Variants in RFC3 observed in about 807,000 individuals in gnomAD.
RFC3 encodes A1 38 kDa subunit.
In RFC3, 41 loss-of-function variants were observed where a neutral mutation model predicts 45.1. That is an observed-to-expected ratio of 0.91 (90% CI 0.71 to 1.18). RFC3 has a LOEUF of 1.18. Among genes scored for constraint, RFC3 ranks in the 50% most tolerant of loss-of-function variants. The pLI, the probability that RFC3 is intolerant of heterozygous loss-of-function variation, is 0.00. For synonymous variants in RFC3, 149 were observed against 144.0 expected (o/e 1.03, Z -0.25); for missense variants, 423 against 428.1 (o/e 0.99, Z 0.10).
rs564567355 is a variant in RFC3 at position 33,825,320 on chromosome 13, A to G, written c.294-469A>G. Among the ~76,000 whole-genome samples, 28 of 152,030 alleles carry G rather than the reference A, an allele frequency of 1.8e-4. No individual in the cohort carries two copies. The South Asian group carries it at 5.4e-3, about 29-fold the overall frequency. On this transcript the variant is annotated intron_variant, in intron 3 of 8. Transcript: ENST00000380071. The stretch of plus-strand genomic sequence containing the variant: ...TGAGTCTCTGAATCAGTTTCATTCT[A>G]GTGCTGGGAGCAGACTTCTCTTTGT...
intron 8 of RFC3, among the ~76,000 whole-genome samples, chr13:33,879,649 C>A (rs1186290756): frequency 6.6e-6 from 1 of 152,184 alleles, no homozygotes; most frequent in African/African-American, 2.4e-5. Context: ...AAATAACTAA[C>A]AATTACATCA....
At chr13:33,841,917 C>T (rs146893048), downstream of RFC3, among the ~76,000 whole-genome samples, 2 of 152,248 alleles carry the variant, frequency 1.3e-5, no homozygotes, top group Non-Finnish European at 2.9e-5. Context: ...CTTGTGGGAG[C>T]TCTGGAAATT....
chr13:33,872,384 A>G (rs995371037), intron 8 of RFC3, among the ~76,000 whole-genome samples: 2 of 152,360 alleles, frequency 1.3e-5, no homozygotes, highest in East Asian at 3.9e-4. Flanking sequence ...AATATTTACA[A>G]CTTATATGAA....
At chr13:33,964,856 A>G (rs553183180) in intron 8 of RFC3, among the ~76,000 whole-genome samples, 26 of 152,370 alleles carry the variant, frequency 1.7e-4, no homozygotes, top group African/African-American at 6.3e-4. Flanking sequence ...CCTGGCTTAT[A>G]CAGGTGGTCT....
downstream of RFC3, among the ~76,000 whole-genome samples, chr13:33,968,776 A>G (rs1020629137): frequency 1.3e-5 from 2 of 152,208 alleles, no homozygotes; most frequent in Admixed American, 6.5e-5. Flanking sequence ...TTCAGAAAGA[A>G]GATTGTCGTC....
At chr13:33,977,375 C>A in the RFC3 span, among the ~76,000 whole-genome samples, 1 of 152,032 alleles carries the variant, frequency 6.6e-6, no homozygotes, top group Admixed American at 6.6e-5. Context: ...TATTTAAAAA[C>A]AATAAGGGTT....
At chr13:33,961,590 G>T (rs867887410) in intron 8 of RFC3, among the ~76,000 whole-genome samples, 3 of 152,292 alleles carry the variant, frequency 2.0e-5, no homozygotes, top group Middle Eastern at 6.8e-3. Flanking sequence ...AAAACATATG[G>T]GCAGAGGCCT....
At chr13:33,868,535 T>G (rs2137557809) in intron 8 of RFC3, among the ~76,000 whole-genome samples, 2 of 152,336 alleles carry the variant, frequency 1.3e-5, no homozygotes, top group South Asian at 4.1e-4. Context: ...CACTTGTAAC[T>G]TTGTAACTTC....
At chr13:33,823,032 T>C (rs2082017199) in intron 2 of RFC3, among the ~76,000 whole-genome samples, 1 of 151,980 alleles carries the variant, frequency 6.6e-6, no homozygotes, top group Non-Finnish European at 1.5e-5. Context: ...AGGAGAAAAA[T>C]ATAAGAGGCA....
At chr13:33,881,051 G>A (rs2082479965) in intron 8 of RFC3, among the ~76,000 whole-genome samples, 1 of 152,074 alleles carries the variant, frequency 6.6e-6, no homozygotes, top group African/African-American at 2.4e-5. Flanking sequence ...GCAAGACTCA[G>A]TCTCAAAAAC....
At position 33,964,323 on chromosome 13, in the gene RFC3, CTATAATGA is replaced by C. The variant is rs1425393693; in HGVS notation, c.880-1763_880-1756del. Among the ~76,000 whole-genome samples the C allele has an allele frequency of 3.9e-5, 6 of 152,136 alleles. No homozygotes were observed. In the South Asian group the frequency reaches 1.2e-3, roughly 32 times the overall value. ...TTTAAAAGCAATTATCAATCATAAG[CTATAATGA>C]AAAGAATGTGATTCACAACAGTGGT... On this transcript the variant is annotated intron_variant, in intron 8 of 8. Transcript: ENST00000434425.
At chr13:33,839,021 A>G (rs1054225318), downstream of RFC3, among the ~76,000 whole-genome samples, 17 of 152,124 alleles carry the variant, frequency 1.1e-4, no homozygotes, top group African/African-American at 3.6e-4. Context: ...CTGTCTGTGT[A>G]GTTTAGTGAC....
chr13:33,975,600 A>G, the RFC3 span, among the ~76,000 whole-genome samples: 1 of 152,272 alleles, frequency 6.6e-6, no homozygotes, highest in East Asian at 1.9e-4. Context: ...AAATTATCCC[A>G]CCATATTACA....
At chr13:33,898,722 T>C (rs1017505185) in intron 8 of RFC3, among the ~76,000 whole-genome samples, 3 of 151,592 alleles carry the variant, frequency 2.0e-5, no homozygotes, top group Non-Finnish European at 4.4e-5. Flanking sequence ...AAAAAGTTGG[T>C]TTTTTGAACA....
intron 8 of RFC3, among the ~76,000 whole-genome samples, chr13:33,862,957 T>C (rs1470848500): frequency 1.3e-5 from 2 of 152,200 alleles, no homozygotes; most frequent in Non-Finnish European, 2.9e-5. Flanking sequence ...TGTCAGATTC[T>C]ATTGTTTATA....
intron 8 of RFC3, among the ~76,000 whole-genome samples, chr13:33,961,582 A>G (rs1248279202): frequency 6.6e-6 from 1 of 152,232 alleles, no homozygotes; most frequent in Non-Finnish European, 1.5e-5. Flanking sequence ...CACAAAGAAA[A>G]ACATATGGGC....
At chr13:33,903,056 C>A (rs955425539) in intron 8 of RFC3, among the ~76,000 whole-genome samples, 2 of 152,090 alleles carry the variant, frequency 1.3e-5, no homozygotes, top group African/African-American at 4.8e-5. Context: ...ACTATAACTC[C>A]CTTTTCCACC....
At chr13:33,884,048 C>G (rs1317280558) in intron 8 of RFC3, among the ~76,000 whole-genome samples, 1 of 152,180 alleles carries the variant, frequency 6.6e-6, no homozygotes, top group Non-Finnish European at 1.5e-5. Flanking sequence ...AGTCAGAAAG[C>G]TCAACTGTGT....
chr13:33,976,427 G>C, the RFC3 span, among the ~76,000 whole-genome samples: 1 of 152,124 alleles, frequency 6.6e-6, no homozygotes, highest in East Asian at 1.9e-4. Context: ...AAGCCGGGGA[G>C]AGCAGAGATG....
Sources: gnomAD v4.1 joint callset for allele counts (sites outside exome capture counted in the v4.1 genomes callset) on GRCh38, gnomAD v4.1.1 for gene constraint, MANE v1.5 for transcripts, NCBI Gene and HGNC (gene_info 2026-07-23, HGNC 2026-07-21) for gene names.